Variants in IFT56 observed in about 807,000 individuals in gnomAD.
IFT56 encodes the protein intraflagellar transport protein 56.
the IFT56 span, among the ~76,000 whole-genome samples, chr7:139,153,406 G>GCACCAATGCACTCCAGCCT: frequency 2.0e-5 from 3 of 150,850 alleles, no homozygotes; most frequent in Non-Finnish European, 2.9e-5. Context: ...AGCTGAGATT[G>GCACCAATGCACTCCAGCCT]CACCAATGCA....
chr7:139,181,059 C>A, the IFT56 span: 2 of 1,363,316 alleles, frequency 1.5e-6, no homozygotes, highest in South Asian at 1.2e-5. Flanking sequence ...AAAAATGACT[C>A]ATTTGTTTAC....
the IFT56 span, among the ~76,000 whole-genome samples, chr7:139,181,676 A>G: frequency 6.6e-6 from 1 of 152,208 alleles, no homozygotes; most frequent in South Asian, 2.1e-4. Flanking sequence ...GGTATAGCCT[A>G]CTATACACTT....
the IFT56 span, chr7:139,178,086 A>G: frequency 1.5e-6 from 1 of 688,450 alleles, no homozygotes; most frequent in Non-Finnish European, 2.5e-6. Flanking sequence ...GAAAATGTAT[A>G]ATGTCAGAAT....
chr7:139,149,330 C>T, the IFT56 span, among the ~76,000 whole-genome samples: 10 of 151,222 alleles, frequency 6.6e-5, no homozygotes, highest in Non-Finnish European at 1.3e-4. Context: ...AGAACCCTGG[C>T]ATATCTGTTG....
At chr7:139,150,098 C>T in the IFT56 span, among the ~76,000 whole-genome samples, 4 of 152,038 alleles carry the variant, frequency 2.6e-5, no homozygotes, top group Non-Finnish European at 4.4e-5. Context: ...CTACCCTTGC[C>T]CTCCAAATTG....
the IFT56 span, chr7:139,142,143 A>T: frequency 9.2e-7 from 1 of 1,085,386 alleles, no homozygotes; most frequent in Non-Finnish European, 1.4e-6. Flanking sequence ...GCAGAGACAT[A>T]TTAGGATCAG....
At chr7:139,140,326 T>C in the IFT56 span, among the ~76,000 whole-genome samples, 1 of 152,216 alleles carries the variant, frequency 6.6e-6, no homozygotes, top group Non-Finnish European at 1.5e-5. Context: ...CAGGCTCTTA[T>C]GGCTGTGGAC....
At chr7:139,134,784 C>T in the IFT56 span, 17 of 1,613,132 alleles carry the variant, frequency 1.1e-5, 1 homozygote, top group East Asian at 1.6e-4. Context: ...AGCTATTACC[C>T]TGTTGGAGGT....
chr7:139,140,730 G>A, the IFT56 span, among the ~76,000 whole-genome samples: 2 of 133,678 alleles, frequency 1.5e-5, no homozygotes, highest in South Asian at 2.4e-4. Context: ...AGCCCAGATC[G>A]CGCCATTGCA....
the IFT56 span, chr7:139,161,018 A>G: frequency 1.2e-6 from 2 of 1,613,652 alleles, no homozygotes; most frequent in Non-Finnish European, 8.5e-7. Flanking sequence ...ATCAGGCACA[A>G]TCTGGTGAAT....
chr7:139,136,147 A>G, the IFT56 span, among the ~76,000 whole-genome samples: 1 of 151,336 alleles, frequency 6.6e-6, no homozygotes, highest in African/African-American at 2.4e-5. Context: ...CTGGTCTCCA[A>G]CTCCTGGCCT....
At chr7:139,172,032 T>A in the IFT56 span, among the ~76,000 whole-genome samples, 3 of 151,916 alleles carry the variant, frequency 2.0e-5, no homozygotes, top group Non-Finnish European at 4.4e-5. Context: ...ATCGAGTCCC[T>A]CTAAAATACT....
chr7:139,187,270 T>C, the IFT56 span: 6 of 1,074,794 alleles, frequency 5.6e-6, no homozygotes. Context: ...GAAGTTTTTC[T>C]AACTTGCTAA....
chr7:139,142,296 G>T, the IFT56 span: 1 of 1,613,396 alleles, frequency 6.2e-7, no homozygotes, highest in Admixed American at 1.7e-5. Flanking sequence ...TCTTCCACTT[G>T]GCTCACAAGG....
the IFT56 span, among the ~76,000 whole-genome samples, chr7:139,188,558 T>C: frequency 6.6e-6 from 1 of 152,238 alleles, no homozygotes; most frequent in Non-Finnish European, 1.5e-5. Flanking sequence ...ATAGTACTTC[T>C]AGTTCTAAGT....
At chr7:139,142,944 T>C in the IFT56 span, among the ~76,000 whole-genome samples, 37,714 of 152,056 alleles carry the variant, frequency 0.25, 8,459 homozygotes, top group African/African-American at 0.57. Flanking sequence ...AGAATTGCTG[T>C]ATGGTAATAA....
the IFT56 span, among the ~76,000 whole-genome samples, chr7:139,145,461 G>A: frequency 0.042 from 6,347 of 151,802 alleles, 471 homozygotes; most frequent in African/African-American, 0.14. Flanking sequence ...ATCACTCCCC[G>A]TCACCCAGGC....
chr7:139,138,016 A>G, the IFT56 span: 126,801 of 837,076 alleles, frequency 0.15, 20,548 homozygotes, highest in African/African-American at 0.58. Context: ...AATAATACAT[A>G]TTCATGGTAA....
At chr7:139,141,891 T>A in the IFT56 span, among the ~76,000 whole-genome samples, 2 of 152,204 alleles carry the variant, frequency 1.3e-5, no homozygotes, top group African/African-American at 4.8e-5. Context: ...GAGAGCAGAT[T>A]CATACACACA....
Sources: gnomAD v4.1 joint callset for allele counts (sites outside exome capture counted in the v4.1 genomes callset) on GRCh38, gnomAD v4.1.1 for gene constraint, MANE v1.5 for transcripts, NCBI Gene and HGNC (gene_info 2026-07-23, HGNC 2026-07-21) for gene names.